Variants in STXBP4 observed in about 807,000 individuals in gnomAD.
STXBP4 encodes syntaxin-binding protein 4.
A neutral mutation model predicts 76.1 loss-of-function variants in STXBP4; 55 were observed. The ratio of observed to expected loss-of-function variants is 0.72; its 90% CI spans 0.58 to 0.91. The LOEUF is 0.91. STXBP4 is among the 40% of genes least tolerant of loss of function. STXBP4 has a pLI of 0.00. For synonymous variants in STXBP4, 201 were observed against 220.2 expected (o/e 0.91, Z 0.77); for missense variants, 618 against 636.9 (o/e 0.97, Z 0.32).
At chr17:54,985,151 CAGTT>C (rs2077609170) in intron 1 of STXBP4, among the ~76,000 whole-genome samples, 1 of 152,148 alleles carries the variant, frequency 6.6e-6, no homozygotes, top group South Asian at 2.1e-4. Flanking sequence ...TAAAGTGAGA[CAGTT>C]TGTTACATTT....
intron 7 of STXBP4, among the ~76,000 whole-genome samples, chr17:55,006,279 CTA>C (rs1343089726): frequency 1.3e-5 from 2 of 152,060 alleles, no homozygotes; most frequent in East Asian, 1.9e-4. Flanking sequence ...TAGAGGAAGA[CTA>C]TTTATTTTCA....
At chr17:55,197,714 G>T in the STXBP4 span, among the ~76,000 whole-genome samples, 2 of 151,414 alleles carry the variant, frequency 1.3e-5, no homozygotes, top group African/African-American at 4.9e-5. Flanking sequence ...CTGCACTCTA[G>T]CCTGGGTGAC....
chr17:55,137,270 ATGTTCCCTCCCTCCCT>A (rs1404784466), intron 16 of STXBP4, among the ~76,000 whole-genome samples: 1 of 144,386 alleles, frequency 6.9e-6, no homozygotes, highest in African/African-American at 2.6e-5. Flanking sequence ...CCACACCTCC[ATGTTCCCTCCCTCCCT>A]CCCTCCCTCC....
intron 16 of STXBP4, among the ~76,000 whole-genome samples, chr17:55,139,682 A>G (rs747860345): frequency 6.6e-6 from 1 of 152,156 alleles, no homozygotes; most frequent in Non-Finnish European, 1.5e-5. Flanking sequence ...GAGGAGACAT[A>G]TAGTGACAGT....
intron 10 of STXBP4, among the ~76,000 whole-genome samples, chr17:55,035,222 A>G (rs2078577532): frequency 6.6e-6 from 1 of 151,802 alleles, no homozygotes; most frequent in South Asian, 2.1e-4. Context: ...ACAACTTTTC[A>G]TTGGTTGATT....
Position 55,030,343 on chromosome 17 carries a change from C to CT in STXBP4, c.667-825_667-824insT, listed in dbSNP as rs911517892. Among the ~76,000 whole-genome samples the CT allele has an allele frequency of 2.9e-4, 44 of 152,246 alleles. 1 individual carries two copies. Among genetic ancestry groups the CT allele is most frequent in the Middle Eastern group, 6.8e-3 (2 of 294 alleles). ...TCATCTTTTTTCTTCCTCTTTCTTT[C>CT]CCCTTACTAATCCGCATGGACAAGA... On this transcript the variant is annotated intron_variant, in intron 8 of 17. Transcript: ENST00000376352.
intron 1 of STXBP4, among the ~76,000 whole-genome samples, chr17:54,984,435 C>T (rs569048896): frequency 1.0e-3 from 153 of 149,856 alleles, no homozygotes; most frequent in African/African-American, 3.7e-3. Flanking sequence ...CTCCGCCTCC[C>T]AGGTTCACGC....
intron 16 of STXBP4, among the ~76,000 whole-genome samples, chr17:55,085,992 G>A (rs1289801394): frequency 6.6e-6 from 1 of 152,156 alleles, no homozygotes; most frequent in Non-Finnish European, 1.5e-5. Context: ...ACATTTTTAT[G>A]TTGGGGTGGC....
chr17:54,976,531 GCCATCATGACTGCCTTAC>G (rs1374793282), intron 1 of STXBP4, among the ~76,000 whole-genome samples: 1 of 152,130 alleles, frequency 6.6e-6, no homozygotes, highest in Non-Finnish European at 1.5e-5. Context: ...AGACCCTTCA[GCCATCATGACTGCCTTAC>G]CCAGGGGTAC....
rs74942530 is a variant in STXBP4 at position 55,026,104 on chromosome 17, A to G, written c.667-5064A>G. ...TAAAACTACAAACCATCATTGAAAG[A>G]AATTGAAGAAGACCTAAATAAATGG... On this transcript the variant is annotated intron_variant, in intron 8 of 17. Transcript: ENST00000376352. Among the ~76,000 whole-genome samples, 1,065 of 152,358 alleles carry G rather than the reference A, an allele frequency of 7.0e-3. 15 individuals are homozygous for G. Among genetic ancestry groups the G allele is most frequent in the African/African-American group, 0.024 (1,006 of 41,580 alleles).
At chr17:55,157,908 A>G (rs960963759) in intron 17 of STXBP4, among the ~76,000 whole-genome samples, 4 of 152,228 alleles carry the variant, frequency 2.6e-5, no homozygotes, top group African/African-American at 9.6e-5. Context: ...GTGTTTGTTA[A>G]CGGAGATATG....
the STXBP4 span, among the ~76,000 whole-genome samples, chr17:55,191,984 A>G: frequency 6.6e-6 from 1 of 152,202 alleles, no homozygotes; most frequent in Non-Finnish European, 1.5e-5. Flanking sequence ...AAAGTGCTTT[A>G]CTTACTATTA....
At chr17:55,107,869 G>T (rs963227842) in intron 16 of STXBP4, among the ~76,000 whole-genome samples, 3 of 152,220 alleles carry the variant, frequency 2.0e-5, no homozygotes, top group African/African-American at 7.2e-5. Context: ...CTTCCAGGAG[G>T]TGTCTCCCTG....
intron 7 of STXBP4, among the ~76,000 whole-genome samples, chr17:55,005,796 A>G (rs2077995442): frequency 6.6e-6 from 1 of 152,208 alleles, no homozygotes. Flanking sequence ...GACAAGCTTC[A>G]CATATCCAAA....
In STXBP4 at chr17:55,163,217, G is replaced by GA. The variant is rs1313757436; in HGVS notation, c.*3306_*3307insA. 2.1e-5 allele frequency: 2 copies of GA among 94,356 alleles called. No homozygotes were observed. Among genetic ancestry groups the GA allele is most frequent in the Non-Finnish European group, 4.2e-5 (2 of 47,482 alleles). The allele number at this position is 94,356 out of a possible 1,614,324, so 5.8% of individuals were successfully genotyped here. ...TCCAAATGTTCCTATAGATTTTCTG[G>GA]GTTTTTTTTTTTTTTTTGTCCTTGG... On this transcript the variant is annotated 3_prime_UTR_variant, in exon 18 of 18. Transcript: ENST00000376352.
At chr17:55,121,072 A>G (rs550137187) in intron 16 of STXBP4, among the ~76,000 whole-genome samples, 281 of 152,340 alleles carry the variant, frequency 1.8e-3, no homozygotes, top group Non-Finnish European at 3.1e-3. Flanking sequence ...TGAATTAAAT[A>G]TTCAATTCGG....
intron 16 of STXBP4, among the ~76,000 whole-genome samples, chr17:55,134,070 A>G (rs1351009891): frequency 6.6e-6 from 1 of 152,086 alleles, no homozygotes; most frequent in East Asian, 1.9e-4. Context: ...CAGGGAGGGA[A>G]CATAGATGTT....
intron 4 of STXBP4, among the ~76,000 whole-genome samples, chr17:54,997,751 ATTT>A (rs11291147): frequency 5.0e-5 from 6 of 120,674 alleles, no homozygotes; most frequent in Non-Finnish European, 3.4e-5. Context: ...TGTGCCAGCT[ATTT>A]TTTTTTTTTT....
intron 9 of STXBP4, among the ~76,000 whole-genome samples, chr17:55,032,038 T>A (rs1474894840): frequency 6.6e-6 from 1 of 152,194 alleles, no homozygotes; most frequent in Non-Finnish European, 1.5e-5. Flanking sequence ...ATGTAGCTGT[T>A]TTTCTTTCTT....
Sources: allele counts gnomAD v4.1 joint callset (sites outside exome capture counted in the v4.1 genomes callset), GRCh38; gene constraint gnomAD v4.1.1; transcripts MANE v1.5; gene names NCBI Gene and HGNC (gene_info 2026-07-23, HGNC 2026-07-21).